DMD: variants seen among roughly 807,000 people sequenced by gnomAD.
DMD encodes the protein mutant dystrophin.
A neutral mutation model predicts 330.1 loss-of-function variants in DMD; 63 were observed. That is an observed-to-expected ratio of 0.19 (90% CI 0.16 to 0.24). The LOEUF (loss-of-function observed/expected upper bound fraction) is 0.24. Among genes scored for constraint, DMD ranks in the 10% least tolerant of loss-of-function variants. DMD has a pLI of 1.00. For synonymous variants in DMD, 1,223 were observed against 959.8 expected (o/e 1.27, Z -5.07); for missense variants, 3,344 against 2,684.1 (o/e 1.25, Z -5.43).
At chrX:31,805,139 T>A (rs1332354778) in intron 50 of DMD, among the ~76,000 whole-genome samples, 2 of 111,865 alleles carry the variant, frequency 1.8e-5, no homozygotes, top group Non-Finnish European at 3.8e-5. Flanking sequence ...AAGAAGGAAC[T>A]GCACCAGTTA....
intron 1 of DMD, among the ~76,000 whole-genome samples, chrX:33,249,879 G>A (rs1021983598): frequency 1.5e-4 from 16 of 109,582 alleles, no homozygotes; most frequent in Non-Finnish European, 1.9e-5. Flanking sequence ...TTCCATTCAG[G>A]TATCAAGGGA....
chrX:32,609,297 T>C (rs190670842), intron 12 of DMD, among the ~76,000 whole-genome samples: 63 of 110,942 alleles, frequency 5.7e-4, no homozygotes, highest in Middle Eastern at 9.2e-3. Context: ...TTCTTAAATA[T>C]TAAGATAAGT....
At chrX:33,127,562 C>T (rs911225836) in intron 1 of DMD, among the ~76,000 whole-genome samples, 4 of 110,493 alleles carry the variant, frequency 3.6e-5, no homozygotes, top group African/African-American at 6.6e-5. Context: ...TTGTTATTTC[C>T]GTCTTCTTTG....
chrX:33,188,501 A>G (rs916967965), intron 1 of DMD, among the ~76,000 whole-genome samples: 3 of 109,638 alleles, frequency 2.7e-5, no homozygotes, highest in South Asian at 4.0e-4. Context: ...AACTCAGGGG[A>G]AAAAAAACAG....
intron 30 of DMD, among the ~76,000 whole-genome samples, chrX:32,401,913 A>C (rs1396602597): frequency 8.9e-6 from 1 of 112,498 alleles, no homozygotes; most frequent in Non-Finnish European, 1.9e-5. Flanking sequence ...AAATAGATAA[A>C]TGAGTAAATC....
intron 1 of DMD, among the ~76,000 whole-genome samples, chrX:33,087,857 T>G (rs886201056): frequency 9.0e-6 from 1 of 111,208 alleles, no homozygotes; most frequent in African/African-American, 3.3e-5. Flanking sequence ...TGGATCTTTA[T>G]GACTTCTTTA....
chrX:31,218,785 T>C (rs1602865452), intron 64 of DMD, among the ~76,000 whole-genome samples: 1 of 111,637 alleles, frequency 9.0e-6, no homozygotes, highest in Admixed American at 9.5e-5. Flanking sequence ...GACTATCTTA[T>C]TGCTAGCCTC....
chrX:32,609,365 C>T (rs2056983524), intron 12 of DMD, among the ~76,000 whole-genome samples: 2 of 110,903 alleles, frequency 1.8e-5, no homozygotes, highest in African/African-American at 6.5e-5. Context: ...TTTCCTGTTA[C>T]TCATAGAACT....
intron 1 of DMD, among the ~76,000 whole-genome samples, chrX:33,194,258 C>T (rs1477328436): frequency 9.1e-6 from 1 of 110,123 alleles, no homozygotes. Flanking sequence ...CAATCAGAGT[C>T]TATATTTTCA....
chrX:32,342,841 A>T (rs1486671589), intron 40 of DMD: 1 of 390,088 alleles, frequency 2.6e-6, no homozygotes, highest in African/African-American at 2.4e-5. Flanking sequence ...CCGATAAGTC[A>T]TTAGTTCATC....
chrX:33,027,753 T>A (rs2094030879), intron 1 of DMD, among the ~76,000 whole-genome samples: 1 of 111,905 alleles, frequency 8.9e-6, no homozygotes, highest in Non-Finnish European at 1.9e-5. Context: ...GAAACTACCT[T>A]GAAAAATCCA....
chrX:31,416,511 C>T (rs1180237365), intron 60 of DMD, among the ~76,000 whole-genome samples: 1 of 112,191 alleles, frequency 8.9e-6, no homozygotes, highest in Admixed American at 9.4e-5. Context: ...AGGAAGAATT[C>T]TTGTGACCTG....
At chrX:33,205,927 A>G (rs1010170950) in intron 1 of DMD, among the ~76,000 whole-genome samples, 1 of 111,596 alleles carries the variant, frequency 9.0e-6, no homozygotes, top group Non-Finnish European at 1.9e-5. Flanking sequence ...TAAACAAAAA[A>G]CATCATGATT....
chrX:32,545,448 C>A, intron 16 of DMD, 114 bp from the exon 17 acceptor site: 1 of 756,736 alleles, frequency 1.3e-6, no homozygotes, highest in African/African-American at 2.0e-5. Flanking sequence ...GGTAGATTGA[C>A]CTTCAGATCA....
At chrX:31,242,222 C>T (rs1239237949) in intron 63 of DMD, among the ~76,000 whole-genome samples, 1 of 98,418 alleles carries the variant, frequency 1.0e-5, no homozygotes, top group Non-Finnish European at 2.0e-5. Flanking sequence ...CACCACTGCA[C>T]CCCAGCCTGG....
intron 59 of DMD, among the ~76,000 whole-genome samples, chrX:31,467,567 CA>C (rs1266257705): frequency 9.0e-5 from 10 of 111,565 alleles, no homozygotes; most frequent in Non-Finnish European, 1.7e-4. Context: ...TTCGGTTTGC[CA>C]GTATTTTATT....
chrX:32,478,035 T>C (rs1170142812), intron 21 of DMD, among the ~76,000 whole-genome samples: 1 of 112,187 alleles, frequency 8.9e-6, no homozygotes, highest in Non-Finnish European at 1.9e-5. Flanking sequence ...TCTGTTAATG[T>C]GGTTTCTAGA....
At chrX:31,944,593 T>A (rs1370438170) in intron 45 of DMD, among the ~76,000 whole-genome samples, 2 of 107,501 alleles carry the variant, frequency 1.9e-5, no homozygotes, top group Non-Finnish European at 3.9e-5. Flanking sequence ...TTCTTCTGCT[T>A]CAGCCTCCCG....
chrX:32,532,916 T>A (rs1569146169), intron 17 of DMD, among the ~76,000 whole-genome samples: 2 of 112,346 alleles, frequency 1.8e-5, no homozygotes, highest in Non-Finnish European at 3.8e-5. Flanking sequence ...GTATGTTCTA[T>A]GGGACAAATA....
Sources: gnomAD v4.1 joint callset for allele counts (sites outside exome capture counted in the v4.1 genomes callset) on GRCh38, gnomAD v4.1.1 for gene constraint, MANE v1.5 for transcripts, NCBI Gene and HGNC (gene_info 2026-07-23, HGNC 2026-07-21) for gene names.